UBAP1: variants seen among roughly 807,000 people sequenced by gnomAD.
UBAP1 encodes ubiquitin-associated protein 1.
In UBAP1, 5 loss-of-function variants were observed where a neutral mutation model predicts 39.0. The observed-to-expected ratio is 0.13, with a 90% CI of 0.07 to 0.27. The LOEUF (loss-of-function observed/expected upper bound fraction) is 0.27. UBAP1 is among the 10% of genes least tolerant of loss of function. The probability of loss-of-function intolerance (pLI) is 1.00; values close to 1 mark genes in which losing one functional copy is unlikely to be tolerated. For missense variants in UBAP1, 490 were observed against 608.1 expected (o/e 0.81, Z 2.04); for synonymous variants, 211 against 225.1 (o/e 0.94, Z 0.56).
At chr9:34,234,096 A>G in intron 2 of UBAP1, 120 bp from the exon 3 acceptor site, 3 of 977,978 alleles carry the variant, frequency 3.1e-6, no homozygotes, top group East Asian at 5.5e-5. Flanking sequence ...CAGAGAAGGA[A>G]CTCTGTAACT....
intron 1 of UBAP1, among the ~76,000 whole-genome samples, chr9:34,189,692 A>G (rs972420263): frequency 7.9e-5 from 12 of 152,014 alleles, no homozygotes; most frequent in Non-Finnish European, 1.5e-4. Flanking sequence ...GCTGGAGTGC[A>G]ATGGTACAAT....
At chr9:34,200,114 A>G (rs760383007) in intron 1 of UBAP1, among the ~76,000 whole-genome samples, 9 of 151,926 alleles carry the variant, frequency 5.9e-5, no homozygotes, top group Admixed American at 1.3e-4. Context: ...CAGGTCCTCA[A>G]TTTGGTTTTG....
chr9:34,207,365 A>G (rs971346934), intron 1 of UBAP1, among the ~76,000 whole-genome samples: 2 of 149,972 alleles, frequency 1.3e-5, no homozygotes, highest in African/African-American at 2.4e-5. Flanking sequence ...TTATTTCTAC[A>G]TGAACTTTAG....
intron 1 of UBAP1, among the ~76,000 whole-genome samples, chr9:34,210,816 T>C (rs949818839): frequency 2.6e-5 from 4 of 152,132 alleles, no homozygotes; most frequent in Non-Finnish European, 5.9e-5. Flanking sequence ...TTGAAAGTTA[T>C]ATTTAATTCA....
At chr9:34,230,747 G>A (rs1833364521) in intron 2 of UBAP1, among the ~76,000 whole-genome samples, 1 of 152,210 alleles carries the variant, frequency 6.6e-6, no homozygotes, top group Non-Finnish European at 1.5e-5. Flanking sequence ...GGCGGGGGAT[G>A]ACATCTGTCT....
At chr9:34,237,509 A>C (rs1333262477) in intron 3 of UBAP1, among the ~76,000 whole-genome samples, 1 of 152,166 alleles carries the variant, frequency 6.6e-6, no homozygotes, top group East Asian at 1.9e-4. Context: ...TGGGAGAAAA[A>C]AAATATTTAT....
chr9:34,220,453 T>C, intron 1 of UBAP1: 1 of 153,484 alleles, frequency 6.5e-6, no homozygotes, highest in Non-Finnish European at 1.4e-5. Flanking sequence ...GCCTCCCAAG[T>C]AGCTGGGACT....
intron 3 of UBAP1, among the ~76,000 whole-genome samples, chr9:34,235,353 T>C (rs1383468678): frequency 2.6e-5 from 4 of 152,022 alleles, no homozygotes; most frequent in African/African-American, 9.7e-5. Flanking sequence ...GTATGTATTT[T>C]TTTGAGACGG....
At chr9:34,190,369 A>G (rs972527280) in intron 1 of UBAP1, among the ~76,000 whole-genome samples, 1 of 151,786 alleles carries the variant, frequency 6.6e-6, no homozygotes, top group African/African-American at 2.4e-5. Flanking sequence ...GGCTCACTGC[A>G]ACCTCTGCCT....
intron 2 of UBAP1, among the ~76,000 whole-genome samples, chr9:34,233,109 C>T (rs1450907874): frequency 6.6e-6 from 1 of 152,166 alleles, no homozygotes; most frequent in Non-Finnish European, 1.5e-5. Flanking sequence ...TGATCTTACT[C>T]AGAATCCCAT....
At chr9:34,225,806 AAG>A (rs993765956) in intron 2 of UBAP1, among the ~76,000 whole-genome samples, 37 of 151,562 alleles carry the variant, frequency 2.4e-4, no homozygotes, top group African/African-American at 8.2e-4. Flanking sequence ...GAAAAGAAAA[AAG>A]AAATCTCAAT....
intron 1 of UBAP1, among the ~76,000 whole-genome samples, chr9:34,195,462 T>C (rs1279362564): frequency 6.6e-6 from 1 of 152,200 alleles, no homozygotes; most frequent in East Asian, 1.9e-4. Context: ...TTTGGACCTG[T>C]TCTATTCTAT....
chr9:34,183,269 C>T (rs537293207), intron 1 of UBAP1, among the ~76,000 whole-genome samples: 84 of 151,906 alleles, frequency 5.5e-4, no homozygotes, highest in African/African-American at 1.8e-3. Context: ...ATAGGCCTGG[C>T]GCCATGGCTC....
intron 1 of UBAP1, chr9:34,212,065 G>A: frequency 2.5e-6 from 1 of 392,640 alleles, no homozygotes; most frequent in South Asian, 1.9e-5. Context: ...ATGTTTTATT[G>A]TTATTTTTGA....
Position 34,226,119 on chromosome 9 carries a change from G to GTGTGTGTGTGTT in UBAP1, c.34+5182_34+5183insTTGTGTGTGTGT, listed in dbSNP as rs1271351061. On this transcript the variant is annotated intron_variant, in intron 2 of 6. Coordinates refer to ENST00000297661, the MANE Select transcript of UBAP1 (RefSeq NM_016525.5). ...CTCCTACTCTATTGTGTGTGTGTGT[G>GTGTGTGTGTGTT]TGTGTGTGTGTGTGTGTGTGTGTGT... Among the ~76,000 whole-genome samples the GTGTGTGTGTGTT allele has an allele frequency of 1.0e-4, 10 of 97,510 alleles. No homozygotes were observed. In the East Asian group the frequency reaches 1.6e-3, roughly 16 times the overall value. 64.0% of individuals were successfully genotyped at this position (97,510 alleles called of 152,430 possible).
intron 3 of UBAP1, among the ~76,000 whole-genome samples, chr9:34,237,821 G>C (rs1415922967): frequency 2.6e-5 from 4 of 152,180 alleles, no homozygotes; most frequent in African/African-American, 9.7e-5. Context: ...GCCCACCTCA[G>C]CCTCCCAAAG....
chr9:34,200,548 T>C (rs1831310226), intron 1 of UBAP1, among the ~76,000 whole-genome samples: 1 of 152,210 alleles, frequency 6.6e-6, no homozygotes, highest in African/African-American at 2.4e-5. Context: ...TAATTTTTGC[T>C]AAACAGAATT....
At chr9:34,180,037 C>T (rs185011071) in intron 1 of UBAP1, among the ~76,000 whole-genome samples, 2 of 152,256 alleles carry the variant, frequency 1.3e-5, no homozygotes, top group Non-Finnish European at 2.9e-5. Context: ...TTAAGTATTA[C>T]GTATATTCTG....
In UBAP1 at chr9:34,195,927, G is replaced by GTTTT. The variant is rs57040252; in HGVS notation, c.-8+16721_-8+16724dup. 1.1e-3 allele frequency among the ~76,000 whole-genome samples: 39 copies of GTTTT among 36,156 alleles called. 10 individuals carry two copies. The East Asian group carries it at 0.011, about 10-fold the overall frequency. The allele number at this position is 36,156 out of a possible 152,430, so 23.7% of individuals were successfully genotyped here. ...TTTGGATTTCTATACAAATTTTTTGGTTTTTTTTTTTTTTTTTTTTTTTTT... is the reference window on the plus strand; with the variant it reads ...TTTGGATTTCTATACAAATTTTTTGGTTTTTTTTTTTTTTTTTTTTTTTTTTTTT... On this transcript the variant is annotated intron_variant, in intron 1 of 6. Coordinates refer to ENST00000297661, the MANE Select transcript of UBAP1 (RefSeq NM_016525.5).
Sources: gnomAD v4.1 joint callset for allele counts (sites outside exome capture counted in the v4.1 genomes callset) on GRCh38, gnomAD v4.1.1 for gene constraint, MANE v1.5 for transcripts, NCBI Gene and HGNC (gene_info 2026-07-23, HGNC 2026-07-21) for gene names.